CDH18: variants seen among roughly 807,000 people sequenced by gnomAD.
CDH18 encodes cadherin-18.
In CDH18, 31 loss-of-function variants were observed where a neutral mutation model predicts 67.9. The observed-to-expected ratio is 0.46, with a 90% CI of 0.34 to 0.62. The LOEUF (loss-of-function observed/expected upper bound fraction) is 0.62. Among genes scored for constraint, CDH18 ranks in the 20% least tolerant of loss-of-function variants. The probability of loss-of-function intolerance (pLI) is 0.01; values close to 1 mark genes in which losing one functional copy is unlikely to be tolerated. For synonymous variants in CDH18, 362 were observed against 347.2 expected (o/e 1.04, Z -0.48); for missense variants, 890 against 975.5 (o/e 0.91, Z 1.17).
In CDH18 at chr5:20,324,883, T is replaced by C. The variant is rs189703836; in HGVS notation, c.-579-69378A>G. On this transcript the variant is annotated intron_variant, in intron 1 of 14. Coordinates refer to the CDH18 transcript ENST00000507958. The stretch of plus-strand genomic sequence containing the variant: ...CTATGTGTATGTGTGTATACACCTT[T>C]AAATTAGAATCAGTTGTAACATCTT... Among the ~76,000 whole-genome samples, 57 of 152,360 alleles carry C rather than the reference T, an allele frequency of 3.7e-4. 1 individual carries two copies. Among genetic ancestry groups the C allele is most frequent in the Admixed American group, 3.7e-3 (57 of 15,312 alleles).
intron 3 of CDH18, among the ~76,000 whole-genome samples, chr5:19,782,211 G>A (rs1775196468): frequency 1.3e-5 from 2 of 152,078 alleles, no homozygotes; most frequent in East Asian, 3.9e-4. Flanking sequence ...ATGGTGGAAG[G>A]CACCTCTTCA....
chr5:19,767,032 T>A (rs148562312), intron 3 of CDH18, among the ~76,000 whole-genome samples: 1 of 151,696 alleles, frequency 6.6e-6, no homozygotes, highest in Non-Finnish European at 1.5e-5. Context: ...AAATAAAATA[T>A]GATAATTGAA....
intron 5 of CDH18, among the ~76,000 whole-genome samples, chr5:19,662,335 A>G (rs1757295394): frequency 1.3e-5 from 2 of 152,118 alleles, no homozygotes; most frequent in South Asian, 4.1e-4. Context: ...GGTGCTGATG[A>G]AATGCACGAA....
chr5:20,550,453 T>C (rs962548789), intron 1 of CDH18, among the ~76,000 whole-genome samples: 5 of 152,162 alleles, frequency 3.3e-5, no homozygotes, highest in African/African-American at 1.2e-4. Flanking sequence ...TTTTTTAAAG[T>C]AATAATATAG....
chr5:20,548,957 G>C (rs1229701379), intron 1 of CDH18, among the ~76,000 whole-genome samples: 1 of 152,086 alleles, frequency 6.6e-6, no homozygotes, highest in Non-Finnish European at 1.5e-5. Flanking sequence ...GGAACATATA[G>C]GGTGATAATC....
intron 1 of CDH18, among the ~76,000 whole-genome samples, chr5:20,356,950 T>TG (rs748830609): frequency 1.3e-4 from 19 of 151,002 alleles, no homozygotes; most frequent in Admixed American, 5.3e-4. Context: ...CACATATATA[T>TG]GTAGTAATAA....
chr5:19,557,926 C>A (rs962810623), intron 8 of CDH18, among the ~76,000 whole-genome samples: 1 of 151,844 alleles, frequency 6.6e-6, no homozygotes, highest in African/African-American at 2.4e-5. Context: ...TTAAGAAAAT[C>A]AAAATTATAT....
At chr5:19,964,807 T>A (rs983553978) in intron 2 of CDH18, among the ~76,000 whole-genome samples, 2 of 152,048 alleles carry the variant, frequency 1.3e-5, no homozygotes, top group African/African-American at 4.8e-5. Flanking sequence ...CAAAACAATT[T>A]GAACAAAACG....
intron 1 of CDH18, among the ~76,000 whole-genome samples, chr5:20,409,726 G>A (rs1156689313): frequency 6.7e-6 from 1 of 150,234 alleles, no homozygotes; most frequent in Non-Finnish European, 1.5e-5. Context: ...TTAATATTTT[G>A]AAAAAAAAGT....
intron 5 of CDH18, among the ~76,000 whole-genome samples, chr5:19,705,402 G>A (rs559356790): frequency 3.3e-5 from 5 of 152,056 alleles, no homozygotes; most frequent in African/African-American, 9.7e-5. Flanking sequence ...AATTGGATAC[G>A]ACCTGCCCTA....
chr5:20,574,201 GTGT>G (rs1211200054), intron 1 of CDH18, among the ~76,000 whole-genome samples: 1 of 151,526 alleles, frequency 6.6e-6, no homozygotes, highest in Non-Finnish European at 1.5e-5. Flanking sequence ...TCATAAAATA[GTGT>G]TTTTTTAAAT....
intron 1 of CDH18, among the ~76,000 whole-genome samples, chr5:20,562,927 T>C (rs911110550): frequency 9.2e-5 from 14 of 151,832 alleles, no homozygotes; most frequent in Admixed American, 2.0e-4. Flanking sequence ...ATTTCTATCA[T>C]TTTTAACAAG....
chr5:19,696,140 T>C (rs529651076), intron 5 of CDH18, among the ~76,000 whole-genome samples: 19 of 152,102 alleles, frequency 1.2e-4, no homozygotes, highest in Non-Finnish European at 2.2e-4. Context: ...AGATATGCTA[T>C]AGAGAATATG....
chr5:20,171,853 C>T (rs1580397306), intron 2 of CDH18, among the ~76,000 whole-genome samples: 2 of 151,264 alleles, frequency 1.3e-5, no homozygotes, highest in East Asian at 3.9e-4. Context: ...TTTAGGTCTT[C>T]CATTTAAGTC....
intron 5 of CDH18, among the ~76,000 whole-genome samples, chr5:19,655,921 G>A (rs1352545019): frequency 6.7e-6 from 1 of 149,828 alleles, no homozygotes; most frequent in East Asian, 2.0e-4. Flanking sequence ...TAAGATGAAA[G>A]CAAATTGATT....
chr5:20,392,131 A>G (rs370380968), intron 1 of CDH18, among the ~76,000 whole-genome samples: 7 of 151,920 alleles, frequency 4.6e-5, no homozygotes, highest in East Asian at 3.9e-4. Flanking sequence ...AGTAGAAAAT[A>G]ACACCATAAT....
rs187444611 is a variant in CDH18, at chr5:19,803,667, C to G, written c.228+35092G>C. 4.7e-4 allele frequency among the ~76,000 whole-genome samples: 72 copies of G among 152,214 alleles called. No homozygotes were observed. In the East Asian group the frequency reaches 0.01, roughly 22 times the overall value. ...CATTCATCGAGGTAATCCAGTAAGA[C>G]GCAAAGCAAGAATGTTTACATTTTC... On this transcript the variant is annotated intron_variant, in intron 3 of 12. Transcript: ENST00000382275.
At chr5:19,772,435 A>C (rs1773837212) in intron 3 of CDH18, among the ~76,000 whole-genome samples, 1 of 152,112 alleles carries the variant, frequency 6.6e-6, no homozygotes, top group Admixed American at 6.6e-5. Flanking sequence ...GAAAGAGTTG[A>C]AGATGTTATA....
At chr5:20,450,465 A>G (rs781247532) in intron 1 of CDH18, among the ~76,000 whole-genome samples, 1 of 152,172 alleles carries the variant, frequency 6.6e-6, no homozygotes, top group African/African-American at 2.4e-5. Context: ...CCAAATCTTT[A>G]TATTAATTCC....
Sources: gnomAD v4.1 joint callset for allele counts (sites outside exome capture counted in the v4.1 genomes callset) on GRCh38, gnomAD v4.1.1 for gene constraint, MANE v1.5 for transcripts, NCBI Gene and HGNC (gene_info 2026-07-23, HGNC 2026-07-21) for gene names.